Variants in NDUFV2 observed in about 807,000 individuals in gnomAD.
NDUFV2 encodes NADH:ubiquinone oxidoreductase core subunit V2.
Under a neutral mutation model 31.6 loss-of-function variants are expected in NDUFV2, and 18 were observed. The ratio of observed to expected loss-of-function variants is 0.57; its 90% confidence interval spans 0.39 to 0.84. NDUFV2 has a LOEUF of 0.84. Ranked by LOEUF, NDUFV2 falls within the 40% of genes least tolerant of loss-of-function variation. The pLI is 0.00. For synonymous variants in NDUFV2, 83 were observed against 99.8 expected (o/e 0.83, Z 1.01); for missense variants, 314 against 303.6 (o/e 1.03, Z -0.26).
chr18:9,123,428 G>A (rs1177524959), intron 5 of NDUFV2, among the ~76,000 whole-genome samples: 1 of 151,588 alleles, frequency 6.6e-6, no homozygotes, highest in Non-Finnish European at 1.5e-5. Context: ...ATGTATGCTT[G>A]CTTTTTAGAC....
chr18:9,104,179 C>T (rs1273366788), intron 1 of NDUFV2: 4 of 1,612,326 alleles, frequency 2.5e-6, no homozygotes, highest in East Asian at 4.5e-5. Context: ...GTCTTGTTGG[C>T]AAGAAAAAGA....
At chr18:9,118,148 G>A (rs2077908425) in intron 2 of NDUFV2, among the ~76,000 whole-genome samples, 1 of 152,166 alleles carries the variant, frequency 6.6e-6, no homozygotes, top group South Asian at 2.1e-4. Flanking sequence ...AAATTACTGT[G>A]TGAGCCCTAA....
intron 7 of NDUFV2, among the ~76,000 whole-genome samples, chr18:9,130,989 T>G (rs957146591): frequency 6.6e-6 from 1 of 152,236 alleles, no homozygotes; most frequent in African/African-American, 2.4e-5. Flanking sequence ...CTCATGCAGT[T>G]GAAGATCTGT....
At chr18:9,106,284 G>A (rs1390788683) in intron 1 of NDUFV2, among the ~76,000 whole-genome samples, 1 of 152,216 alleles carries the variant, frequency 6.6e-6, no homozygotes, top group African/African-American at 2.4e-5. Context: ...GCTAAAAGAT[G>A]TGAAGAAAAA....
At chr18:9,123,634 G>A (rs12966444) in intron 5 of NDUFV2, among the ~76,000 whole-genome samples, 16,555 of 152,082 alleles carry the variant, frequency 0.11, 1,065 homozygotes, top group African/African-American at 0.16. Context: ...ATGGGTGCAT[G>A]CTGCCAAGCC....
At chr18:9,124,264 TAAAAAATTTTTACTACTGTA>T (rs1208440494) in intron 5 of NDUFV2, among the ~76,000 whole-genome samples, 35 of 150,254 alleles carry the variant, frequency 2.3e-4, no homozygotes, top group African/African-American at 8.4e-4. Context: ...ATGACTACTG[TAAAAAATTTTTACTACTGTA>T]AAAAAATTTT....
At chr18:9,123,570 C>T (rs1461305609) in intron 5 of NDUFV2, among the ~76,000 whole-genome samples, 1 of 151,982 alleles carries the variant, frequency 6.6e-6, no homozygotes, top group African/African-American at 2.4e-5. Context: ...ACTGCAGCCT[C>T]CAATTCCTGG....
chr18:9,119,827 T>G (rs562912829), intron 4 of NDUFV2, among the ~76,000 whole-genome samples: 2 of 146,938 alleles, frequency 1.4e-5, no homozygotes, highest in African/African-American at 5.0e-5. Context: ...AGGGTATGTG[T>G]TTTTTTTTTT....
intron 1 of NDUFV2, among the ~76,000 whole-genome samples, chr18:9,114,294 C>T: frequency 6.6e-6 from 1 of 151,984 alleles, no homozygotes; most frequent in Admixed American, 6.6e-5. Context: ...AAAGTATAAG[C>T]ATTATACATA....
intron 1 of NDUFV2, among the ~76,000 whole-genome samples, chr18:9,109,732 C>T (rs1379735274): frequency 1.3e-5 from 2 of 152,200 alleles, no homozygotes; most frequent in East Asian, 3.9e-4. Context: ...GCCTGAGTTT[C>T]TCTAAATGTA....
At chr18:9,124,743 T>C (rs1214215061) in intron 5 of NDUFV2, 131 bp from the exon 6 acceptor site, 7 of 902,322 alleles carry the variant, frequency 7.8e-6, no homozygotes, top group Admixed American at 5.7e-5. Flanking sequence ...CCACCGCGCC[T>C]GGCCTCTTTT....
intron 7 of NDUFV2, among the ~76,000 whole-genome samples, chr18:9,128,225 C>T (rs1452772507): frequency 2.0e-5 from 3 of 152,058 alleles, no homozygotes; most frequent in African/African-American, 4.8e-5. Context: ...CTCTTACTCC[C>T]GTTTTAAAAT....
intron 6 of NDUFV2, 26 bp from the exon 7 acceptor site, chr18:9,126,805 A>G (rs2077994612): frequency 6.4e-7 from 1 of 1,551,980 alleles, no homozygotes. Flanking sequence ...TAATTTAAAT[A>G]TGACTATTGT....
intron 1 of NDUFV2, among the ~76,000 whole-genome samples, chr18:9,113,127 G>A (rs1022686480): frequency 6.6e-6 from 1 of 152,168 alleles, no homozygotes; most frequent in Non-Finnish European, 1.5e-5. Context: ...ATAACAGTAT[G>A]TACTTCATAG....
chr18:9,113,798 C>G (rs2077883443), intron 1 of NDUFV2, among the ~76,000 whole-genome samples: 1 of 152,186 alleles, frequency 6.6e-6, no homozygotes, highest in Non-Finnish European at 1.5e-5. Flanking sequence ...CCCAAACAGA[C>G]CCCCTTAGAG....
At position 9,134,223 on chromosome 18, in the gene NDUFV2, AC is replaced by A. The variant is rs754403488; in HGVS notation, c.696del (p.Ser233LeufsTer2). The A allele has an allele frequency of 6.2e-7, 1 of 1,613,334 alleles. No homozygotes were observed. The highest frequency in any genetic ancestry group is 2.2e-5 in the East Asian group (1 of 44,858). Reference protein sequence around the residue: ...RFSCEPAGGLTSLTEPPKGPG... With the variant: ...RFSCEPAGGLXSLTEPPKGPG... ...CTCTTGTGAGCCAGCTGGAGGTCTT[AC>A]CTCTTTGACTGAACCACCCAAGGGA... On this transcript the variant is annotated frameshift_variant, in exon 8 of 8. Transcript: ENST00000318388. LOFTEE classifies it high-confidence loss of function.
intron 1 of NDUFV2, chr18:9,103,616 G>A (rs2077826194): frequency 6.4e-6 from 1 of 155,416 alleles, no homozygotes; most frequent in Admixed American, 6.5e-5. Flanking sequence ...CAGCAAGAGG[G>A]AGCTAGTGTA....
intron 1 of NDUFV2, among the ~76,000 whole-genome samples, chr18:9,112,060 C>A (rs1009440679): frequency 2.0e-5 from 3 of 149,058 alleles, no homozygotes; most frequent in Admixed American, 2.0e-4. Context: ...GCTCTGTCGC[C>A]CAGGCAGGAA....
intron 1 of NDUFV2, chr18:9,104,061 T>C: frequency 2.3e-6 from 3 of 1,300,336 alleles, no homozygotes; most frequent in Non-Finnish European, 2.2e-6. Context: ...GAGAGATGAA[T>C]AGGGTCATCC....
Sources: allele counts gnomAD v4.1 joint callset (sites outside exome capture counted in the v4.1 genomes callset), GRCh38; gene constraint gnomAD v4.1.1; transcripts MANE v1.5; gene names NCBI Gene and HGNC (gene_info 2026-07-23, HGNC 2026-07-21).